Variants in NCOA1 observed in about 807,000 individuals in gnomAD.
The protein encoded by NCOA1 is nuclear receptor coactivator 1, also known as Hin-2 protein.
Under a neutral mutation model 150.9 loss-of-function variants are expected in NCOA1, and 35 were observed. The ratio of observed to expected loss-of-function variants is 0.23; its 90% CI spans 0.18 to 0.31. NCOA1 has a LOEUF of 0.31. Ranked by LOEUF, NCOA1 falls within the 10% of genes least tolerant of loss-of-function variation. NCOA1 has a pLI of 1.00. For missense variants in NCOA1, 1,491 were observed against 1,749.3 expected (o/e 0.85, Z 2.63); for synonymous variants, 590 against 630.0 (o/e 0.94, Z 0.95).
chr2:24,499,855 C>G (rs533977088), intron 1 of NCOA1, among the ~76,000 whole-genome samples: 3 of 152,188 alleles, frequency 2.0e-5, no homozygotes, highest in East Asian at 3.8e-4. Flanking sequence ...ACTCGTTACA[C>G]GGAGGGAACA....
In NCOA1 at chr2:24,576,363, T is replaced by C. The variant is rs192738487; in HGVS notation, c.-259-8113T>C. 2.0e-5 allele frequency among the ~76,000 whole-genome samples: 3 copies of C among 152,110 alleles called. No homozygotes were observed. In the East Asian group the frequency reaches 5.8e-4, roughly 29 times the overall value. On this transcript the variant is annotated intron_variant, in intron 2 of 22. Transcript: ENST00000348332. ...TTCTGGCTGCCTTGGCCCCACTAAG[T>C]GTCAATCTTTGTGACCTCAACTCTT... is the stretch of plus-strand genomic sequence containing the variant.
chr2:24,715,738 G>T (rs1469285697), intron 14 of NCOA1, among the ~76,000 whole-genome samples: 1 of 152,104 alleles, frequency 6.6e-6, no homozygotes. Flanking sequence ...TTAGAGGGGG[G>T]CCAAATAAAT....
At chr2:24,645,335 CAAAAAAA>C (rs549749004) in intron 4 of NCOA1, among the ~76,000 whole-genome samples, 3 of 80,358 alleles carry the variant, frequency 3.7e-5, no homozygotes, top group Admixed American at 2.6e-4. Context: ...ACTAAAAATA[CAAAAAAA>C]AAAAAAAAAA....
chr2:24,562,988 C>G (rs1040562919), intron 1 of NCOA1, among the ~76,000 whole-genome samples: 2 of 152,182 alleles, frequency 1.3e-5, no homozygotes, highest in Admixed American at 6.5e-5. Flanking sequence ...GGAAGTGTCA[C>G]TCTGGAGAAT....
intron 1 of NCOA1, among the ~76,000 whole-genome samples, chr2:24,494,854 A>G (rs1663132648): frequency 6.6e-6 from 1 of 152,126 alleles, no homozygotes. Flanking sequence ...GACTTTTTAA[A>G]ATTGCTTCTT....
chr2:24,502,412 CAATT>C (rs1663503476), intron 1 of NCOA1, among the ~76,000 whole-genome samples: 1 of 152,106 alleles, frequency 6.6e-6, no homozygotes, highest in African/African-American at 2.4e-5. Flanking sequence ...ATTGGTCAAA[CAATT>C]AATTAATTGG....
At chr2:24,760,233 A>C (rs1572693712) in intron 21 of NCOA1, among the ~76,000 whole-genome samples, 2 of 144,324 alleles carry the variant, frequency 1.4e-5, no homozygotes, top group Non-Finnish European at 3.0e-5. Flanking sequence ...TCCACCTCCC[A>C]GGTTCAACCG....
In NCOA1 at chr2:24,726,671, T is replaced by A; in HGVS notation, c.2682T>A (p.Asn894Lys). The change falls in exon 15 of 23, where the codon AAT (asparagine) becomes AAA (lysine). Residue 894 changes from asparagine (N) to lysine (K), a missense_variant. Asn to Lys is a moderately conservative substitution (Grantham distance 94). Transcript: ENST00000348332. ...GTGDQIPWTN[N>K]TVTAINQSKS... ...GCGATCAGATTCCATGGACAAATAA[T>A]ACAGTGACAGCTATAAATCAGAGTA... 1 of 1,611,154 alleles carries A rather than the reference T, an allele frequency of 6.2e-7. No homozygotes were observed. Among genetic ancestry groups the A allele is most frequent in the Non-Finnish European group, 8.5e-7 (1 of 1,178,640 alleles).
At position 24,658,657 on chromosome 2, in the gene NCOA1, T is replaced by G; in HGVS notation, c.-17-4T>G. The G allele has an allele frequency of 6.2e-7, 1 of 1,607,016 alleles. No homozygotes were observed. The highest frequency in any genetic ancestry group is 1.3e-5 in the African/African-American group (1 of 74,780). ...GATTTCTTACTGTTGTCCTTCCTGT[T>G]TAGGTGTGAAGTTTTTCAACATGAG... On this transcript the variant is annotated splice_polypyrimidine_tract_variant and splice_region_variant and intron_variant, in intron 4 of 22. Transcript: ENST00000348332.
At chr2:24,585,389 A>T (rs1435355503) in intron 3 of NCOA1, among the ~76,000 whole-genome samples, 1 of 152,012 alleles carries the variant, frequency 6.6e-6, no homozygotes, top group Non-Finnish European at 1.5e-5. Flanking sequence ...GAAGTTTTGA[A>T]ATGTTTAAGT....
intron 7 of NCOA1, among the ~76,000 whole-genome samples, chr2:24,681,904 C>T (rs917696356): frequency 8.6e-5 from 13 of 151,978 alleles, no homozygotes; most frequent in South Asian, 2.1e-4. Flanking sequence ...TTAGTAGAGA[C>T]GGGGTTTCAC....
intron 1 of NCOA1, among the ~76,000 whole-genome samples, chr2:24,501,358 A>G (rs1322215572): frequency 2.6e-5 from 4 of 152,244 alleles, no homozygotes; most frequent in South Asian, 4.1e-4. Flanking sequence ...ATTACAAAGT[A>G]TGAAAGCAAG....
chr2:24,658,774 C>T lies in NCOA1; in HGVS notation c.89+8C>T. 2 of 1,613,264 alleles carry T rather than the reference C, an allele frequency of 1.2e-6. No individual in the cohort carries two copies. Among genetic ancestry groups the T allele is most frequent in the Non-Finnish European group, 1.7e-6 (2 of 1,179,304 alleles). On this transcript the variant is annotated splice_region_variant and intron_variant, in intron 5 of 22. Transcript: ENST00000348332. ...TGACACACTGGCATCAAGGTAGGAA[C>T]ACTCCTCTTAGTCTATTTTTGGCAG...
rs1359479209 is a variant in NCOA1, at chr2:24,629,846, A to G, written c.-174-14120A>G. ...TATATATATATATATATATATATATATGTATTTTTTTTTTTGAGATGGAGT... is the reference window on the plus strand; with the variant it reads ...TATATATATATATATATATATATATGTGTATTTTTTTTTTTGAGATGGAGT... On this transcript the variant is annotated intron_variant, in intron 3 of 22. Coordinates refer to ENST00000348332, the MANE Select transcript of NCOA1 (RefSeq NM_003743.5). Among the ~76,000 whole-genome samples the G allele has an allele frequency of 4.1e-3, 538 of 132,612 alleles. 10 individuals are homozygous for G. Among genetic ancestry groups the G allele is most frequent in the African/African-American group, 0.016 (519 of 33,004 alleles). The allele number at this position is 132,612 out of a possible 152,430, so 87.0% of individuals were successfully genotyped here. A position where few individuals can be genotyped will look rare whatever the true frequency, so the allele number is the denominator to read the frequency against.
At chr2:24,692,487 G>A (rs1240229182) in intron 9 of NCOA1, among the ~76,000 whole-genome samples, 2 of 152,194 alleles carry the variant, frequency 1.3e-5, no homozygotes, top group East Asian at 3.8e-4. Flanking sequence ...CATCTGTCAA[G>A]AGCAAAATAG....
rs938541257 is a variant in NCOA1, at chr2:24,506,816, C to T, written c.-396+15214C>T. Among the ~76,000 whole-genome samples, 13 of 152,104 alleles carry T rather than the reference C, an allele frequency of 8.5e-5. 1 individual carries two copies. The highest frequency in any genetic ancestry group is 3.1e-4 in the African/African-American group (13 of 41,414). On this transcript the variant is annotated intron_variant, in intron 1 of 22. Coordinates refer to ENST00000348332, the MANE Select transcript of NCOA1 (RefSeq NM_003743.5). Reference sequence around the variant, plus strand: ...TAAATAAAACACTTTCAATCCATTGCTTTAGAAAGAATCAGTTTTTACTTG... The same window carrying T: ...TAAATAAAACACTTTCAATCCATTGTTTTAGAAAGAATCAGTTTTTACTTG...
chr2:24,627,129 T>G lies in NCOA1; in HGVS notation c.-174-16837T>G, dbSNP rs1015317741. Among the ~76,000 whole-genome samples the G allele has an allele frequency of 1.9e-4, 29 of 149,032 alleles. 1 individual carries two copies. The East Asian group carries it at 5.4e-3, about 28-fold the overall frequency. Reference sequence around the variant, plus strand: ...TTTTTTTGTTTTTTGCTGTTTTTTTTTTTTTTTTTTTTTTAAGTTAAGGCT... The same window carrying G: ...TTTTTTTGTTTTTTGCTGTTTTTTTGTTTTTTTTTTTTTTAAGTTAAGGCT... On this transcript the variant is annotated intron_variant, in intron 3 of 22. Transcript: ENST00000348332.
chr2:24,733,771 C>T (rs1364387085), intron 17 of NCOA1, among the ~76,000 whole-genome samples: 1 of 151,578 alleles, frequency 6.6e-6, no homozygotes, highest in African/African-American at 2.4e-5. Flanking sequence ...AAACAAAAAA[C>T]AGAAAATCCA....
At chr2:24,723,300 T>C (rs1674449890) in intron 14 of NCOA1, among the ~76,000 whole-genome samples, 1 of 152,172 alleles carries the variant, frequency 6.6e-6, no homozygotes, top group Non-Finnish European at 1.5e-5. Flanking sequence ...ATCTTTATTC[T>C]TTTTTTATAG....
Sources: allele counts gnomAD v4.1 joint callset (sites outside exome capture counted in the v4.1 genomes callset), GRCh38; gene constraint gnomAD v4.1.1; transcripts MANE v1.5; gene names NCBI Gene and HGNC (gene_info 2026-07-23, HGNC 2026-07-21).